CCDC148: variants seen among roughly 807,000 people sequenced by gnomAD.
CCDC148 encodes coiled-coil domain-containing protein 148.
CCDC148 carries 89 observed loss-of-function variants against 85.7 expected under a neutral mutation model. The observed-to-expected ratio is 1.04, with a 90% CI of 0.87 to 1.24. The LOEUF is 1.24. Among genes scored for constraint, CCDC148 ranks in the 50% most tolerant of loss-of-function variants. The pLI is 0.00. For missense variants in CCDC148, 692 were observed against 671.7 expected (o/e 1.03, Z -0.33); for synonymous variants, 230 against 213.9 (o/e 1.08, Z -0.66).
intron 3 of CCDC148, among the ~76,000 whole-genome samples, chr2:158,342,033 T>C (rs932015424): frequency 1.4e-5 from 2 of 139,722 alleles, no homozygotes; most frequent in African/African-American, 5.3e-5. Flanking sequence ...TTTCTTTTTT[T>C]TTTTTTTTTT....
At chr2:158,427,609 C>A (rs1290562990) in intron 1 of CCDC148, among the ~76,000 whole-genome samples, 1 of 152,142 alleles carries the variant, frequency 6.6e-6, no homozygotes, top group South Asian at 2.1e-4. Context: ...GTGGCTCATA[C>A]CTATAATCCC....
At chr2:158,280,535 A>C (rs988253422) in intron 9 of CCDC148, among the ~76,000 whole-genome samples, 5 of 152,240 alleles carry the variant, frequency 3.3e-5, no homozygotes, top group African/African-American at 1.2e-4. Context: ...AAAGAAGGCC[A>C]ATACATAATG....
chr2:158,313,954 A>C, intron 7 of CCDC148, 60 bp from the exon 8 acceptor site: 1 of 1,541,136 alleles, frequency 6.5e-7, no homozygotes, highest in Non-Finnish European at 8.8e-7. Context: ...TGAGGGACTC[A>C]AACTGTTCAA....
chr2:158,331,519 A>G (rs925524410), intron 7 of CCDC148, among the ~76,000 whole-genome samples: 1 of 152,180 alleles, frequency 6.6e-6, no homozygotes, highest in African/African-American at 2.4e-5. Flanking sequence ...GATGTCTATT[A>G]TGTCCGCTTG....
intron 2 of CCDC148, among the ~76,000 whole-genome samples, chr2:158,355,134 C>A (rs930391946): frequency 6.6e-6 from 1 of 151,238 alleles, no homozygotes; most frequent in Non-Finnish European, 1.5e-5. Context: ...ACTGAATGGG[C>A]AAAAACTGGA....
chr2:158,304,965 C>A (rs138746602), intron 9 of CCDC148, among the ~76,000 whole-genome samples: 2 of 152,232 alleles, frequency 1.3e-5, no homozygotes, highest in East Asian at 3.9e-4. Context: ...GACTATAGAA[C>A]CTGTGGAAGC....
intron 10 of CCDC148, among the ~76,000 whole-genome samples, chr2:158,248,495 A>G (rs1387164925): frequency 6.6e-6 from 1 of 152,160 alleles, no homozygotes; most frequent in African/African-American, 2.4e-5. Flanking sequence ...GGGTTTGACC[A>G]CAACTTTGGC....
intron 1 of CCDC148, among the ~76,000 whole-genome samples, chr2:158,386,590 A>G (rs1448846658): frequency 6.6e-6 from 1 of 152,070 alleles, no homozygotes; most frequent in Non-Finnish European, 1.5e-5. Flanking sequence ...TTTTCCCATC[A>G]TCTCAACCCA....
At chr2:158,322,022 T>C (rs540468691) in intron 7 of CCDC148, among the ~76,000 whole-genome samples, 1 of 152,274 alleles carries the variant, frequency 6.6e-6, no homozygotes, top group Non-Finnish European at 1.5e-5. Flanking sequence ...CAAGTACAGA[T>C]GAACCAAATA....
intron 13 of CCDC148, 101 bp from the exon 14 acceptor site, chr2:158,172,360 C>G: frequency 1.2e-6 from 1 of 860,630 alleles, no homozygotes; most frequent in Admixed American, 2.7e-5. Context: ...TTTTACTGGA[C>G]AGATGACTAG....
intron 10 of CCDC148, among the ~76,000 whole-genome samples, chr2:158,233,646 T>C (rs772988233): frequency 1.3e-5 from 2 of 152,028 alleles, no homozygotes; most frequent in Non-Finnish European, 2.9e-5. Flanking sequence ...TTTCAAACAG[T>C]GAGCCAGTTC....
chr2:158,252,381 C>T (rs896018823), intron 9 of CCDC148, among the ~76,000 whole-genome samples: 3 of 151,578 alleles, frequency 2.0e-5, no homozygotes, highest in Admixed American at 2.0e-4. Flanking sequence ...GAACCCCATT[C>T]CTAGAATAGA....
chr2:158,374,389 A>G (rs1368093292), intron 1 of CCDC148, among the ~76,000 whole-genome samples: 1 of 152,094 alleles, frequency 6.6e-6, no homozygotes, highest in African/African-American at 2.4e-5. Flanking sequence ...CATAGTAGAC[A>G]CAAATAATGT....
Position 158,249,026 on chromosome 2 carries a change from C to T in CCDC148, c.1251+1746G>A, listed in dbSNP as rs1322240118. On this transcript the variant is annotated intron_variant, in intron 10 of 13. Coordinates refer to ENST00000283233, the MANE Select transcript of CCDC148 (RefSeq NM_138803.4). ...CTTTCTCTCACTTCCAGAAATCTTA[C>T]AAACTAGTGATGTCCCTCCATCCTC... Among the ~76,000 whole-genome samples the T allele has an allele frequency of 2.0e-5, 3 of 152,114 alleles. No homozygotes were observed. The East Asian group carries it at 5.8e-4, about 29-fold the overall frequency.
At chr2:158,294,889 C>T (rs1426459100) in intron 9 of CCDC148, among the ~76,000 whole-genome samples, 4 of 151,494 alleles carry the variant, frequency 2.6e-5, no homozygotes, top group African/African-American at 4.8e-5. Flanking sequence ...TTGCATTCCC[C>T]GCTAGCACTG....
chr2:158,351,360 G>C (rs560635452), intron 2 of CCDC148, among the ~76,000 whole-genome samples: 3 of 152,224 alleles, frequency 2.0e-5, no homozygotes, highest in African/African-American at 2.4e-5. Context: ...GACAGTGGGC[G>C]CAGGTCAGTG....
intron 9 of CCDC148, among the ~76,000 whole-genome samples, chr2:158,294,714 T>C (rs1691088745): frequency 1.3e-5 from 2 of 150,388 alleles, no homozygotes; most frequent in South Asian, 4.2e-4. Flanking sequence ...ATCCCAGCCA[T>C]GCAGGAGGCT....
chr2:158,424,710 G>A (rs550521156), intron 1 of CCDC148: 72 of 155,018 alleles, frequency 4.6e-4, no homozygotes, highest in African/African-American at 2.6e-3. Flanking sequence ...AGAACTTAAA[G>A]TATAATAATA....
chr2:158,305,053 C>G (rs1691618346), intron 9 of CCDC148, among the ~76,000 whole-genome samples: 1 of 152,066 alleles, frequency 6.6e-6, no homozygotes, highest in Admixed American at 6.6e-5. Context: ...AAAAAAATAT[C>G]AGAGTCAGGG....
Sources: allele counts gnomAD v4.1 joint callset (sites outside exome capture counted in the v4.1 genomes callset), GRCh38; gene constraint gnomAD v4.1.1; transcripts MANE v1.5; gene names NCBI Gene and HGNC (gene_info 2026-07-23, HGNC 2026-07-21).